KANSL1L: variants seen among roughly 807,000 people sequenced by gnomAD.
KANSL1L encodes the protein KAT8 regulatory NSL complex subunit 1 like.
A neutral mutation model predicts 108.6 loss-of-function variants in KANSL1L; 25 were observed. The ratio of observed to expected loss-of-function variants is 0.23; its 90% CI spans 0.17 to 0.32. The LOEUF (loss-of-function observed/expected upper bound fraction) is 0.32. Ranked by LOEUF, KANSL1L falls within the 10% of genes least tolerant of loss-of-function variation. The pLI, the probability that KANSL1L is intolerant of heterozygous loss-of-function variation, is 1.00. For synonymous variants in KANSL1L, 405 were observed against 395.1 expected, an observed-to-expected ratio of 1.03 and a Z score of -0.30; for missense variants, 1,137 against 1,125.7, an observed-to-expected ratio of 1.01 and a Z score of -0.14.
intron 5 of KANSL1L, among the ~76,000 whole-genome samples, chr2:210,084,200 T>C (rs965057130): frequency 1.3e-5 from 2 of 152,016 alleles, no homozygotes; most frequent in African/African-American, 2.4e-5. Context: ...CACAAGCAGA[T>C]TGCCTGAGGT....
Position 210,156,303 on chromosome 2 carries a change from T to C in KANSL1L, c.-29-1692A>G, listed in dbSNP as rs570645493. On this transcript the variant is annotated intron_variant, in intron 1 of 14. Transcript: ENST00000281772. ...ATATCATGAGATGTAAGACTTCTCATATCTATTGGGATCATAAATTGGTTC... is the reference window on the plus strand; with the variant it reads ...ATATCATGAGATGTAAGACTTCTCACATCTATTGGGATCATAAATTGGTTC... 1.1e-3 allele frequency among the ~76,000 whole-genome samples: 161 copies of C among 152,270 alleles called. 1 individual carries two copies. Among genetic ancestry groups the C allele is most frequent in the Non-Finnish European group, 9.0e-4 (61 of 67,978 alleles).
At chr2:210,024,821 C>T (rs918989070) in intron 13 of KANSL1L, among the ~76,000 whole-genome samples, 11 of 152,148 alleles carry the variant, frequency 7.2e-5, no homozygotes, top group African/African-American at 2.7e-4. Context: ...AAATGACCTA[C>T]TTTATATATA....
At position 210,107,551 on chromosome 2, in the gene KANSL1L, C is replaced by CA. The variant is rs547685569; in HGVS notation, c.1231-3251dup. On this transcript the variant is annotated intron_variant, in intron 3 of 14. Coordinates refer to ENST00000281772, the MANE Select transcript of KANSL1L (RefSeq NM_152519.4). Reference sequence around the variant, plus strand: ...ATATATATATTTTTTTTTTTTGAGACAGAGTCTTGTTCTATTGCCCAGGCT... The same window carrying CA: ...ATATATATATTTTTTTTTTTTGAGACAAGAGTCTTGTTCTATTGCCCAGGCT... Among the ~76,000 whole-genome samples the CA allele has an allele frequency of 4.3e-3, 636 of 147,096 alleles. 6 individuals carry two copies. Among genetic ancestry groups the CA allele is most frequent in the African/African-American group, 0.014 (560 of 39,822 alleles).
At chr2:210,043,222 C>CA (rs1293661511) in intron 7 of KANSL1L, among the ~76,000 whole-genome samples, 1 of 151,684 alleles carries the variant, frequency 6.6e-6, no homozygotes, top group Non-Finnish European at 1.5e-5. Context: ...CCCATCTCTA[C>CA]AAAAAAATTT....
At chr2:210,135,781 A>G (rs2095167990) in intron 2 of KANSL1L, among the ~76,000 whole-genome samples, 1 of 152,172 alleles carries the variant, frequency 6.6e-6, no homozygotes, top group Admixed American at 6.6e-5. Flanking sequence ...AAAGCTTAAC[A>G]TATACCTTAA....
chr2:210,150,861 G>A (rs1023282024), intron 2 of KANSL1L, among the ~76,000 whole-genome samples: 1 of 151,668 alleles, frequency 6.6e-6, no homozygotes, highest in Non-Finnish European at 1.5e-5. Context: ...ACCCTTAATA[G>A]GGGTTGGTTG....
At chr2:210,094,332 C>T (rs1462007865) in intron 5 of KANSL1L, among the ~76,000 whole-genome samples, 1 of 151,964 alleles carries the variant, frequency 6.6e-6, no homozygotes, top group East Asian at 1.9e-4. Flanking sequence ...TTAACAAGGA[C>T]ATCTTCAGAA....
chr2:210,040,455 T>G lies in KANSL1L; in HGVS notation c.1994A>C (p.Lys665Thr), dbSNP rs1014571594. 10 of 1,558,176 alleles carry G rather than the reference T, an allele frequency of 6.4e-6. No homozygotes were observed. Among genetic ancestry groups the G allele is most frequent in the Non-Finnish European group, 8.8e-6 (10 of 1,132,638 alleles). ...TEIKGNLAENKFVDEYIISPS... is the reference protein window; with the variant it reads ...TEIKGNLAENTFVDEYIISPS... ...AGATATGATATATTCATCTACAAATTTATTTTCAGCAAGATTGCCTTTTAT... is the reference window on the plus strand; with the variant it reads ...AGATATGATATATTCATCTACAAATGTATTTTCAGCAAGATTGCCTTTTAT... The change falls in exon 8 of 15, where the codon AAA becomes ACA. Residue 665 changes from lysine (K) to threonine (T), a missense_variant. This residue lies in a region of KANSL1L where 575 missense variants were observed against 567.1 expected (regional missense o/e 1.01). Coordinates refer to ENST00000281772, the MANE Select transcript of KANSL1L (RefSeq NM_152519.4).
intron 1 of KANSL1L, among the ~76,000 whole-genome samples, chr2:210,158,374 C>T (rs2095344780): frequency 6.6e-6 from 1 of 152,164 alleles, no homozygotes; most frequent in Admixed American, 6.5e-5. Context: ...TGTGAGTGAT[C>T]TGAGAAACAG....
At position 210,154,606 on chromosome 2, in the gene KANSL1L, G is replaced by A; in HGVS notation, c.-24C>T. ...ATGGCGATTCCTGTAGATAAGTATT[G>A]GAAACCTACAATAATGTAAAAATAA... On this transcript the variant is annotated 5_prime_UTR_variant, in exon 2 of 15. Coordinates refer to ENST00000281772, the MANE Select transcript of KANSL1L (RefSeq NM_152519.4). 7 of 1,426,376 alleles carry A rather than the reference G, an allele frequency of 4.9e-6. No homozygotes were observed. The highest frequency in any genetic ancestry group is 4.9e-5 in the East Asian group (2 of 41,138). 88.4% of individuals were successfully genotyped at this position (1,426,376 alleles called of 1,614,324 possible).
intron 13 of KANSL1L, among the ~76,000 whole-genome samples, 173 bp from the exon 14 acceptor site, chr2:210,024,374 G>A (rs2093905742): frequency 6.6e-6 from 1 of 152,158 alleles, no homozygotes; most frequent in African/African-American, 2.4e-5. Context: ...CTCAGAGGAT[G>A]AAATAGTACT....
chr2:210,147,214 A>C (rs1224494568), intron 2 of KANSL1L, among the ~76,000 whole-genome samples: 1 of 152,220 alleles, frequency 6.6e-6, no homozygotes, highest in Non-Finnish European at 1.5e-5. Flanking sequence ...GATACCAGCA[A>C]TTTGGGAGGC....
intron 5 of KANSL1L, among the ~76,000 whole-genome samples, chr2:210,094,474 G>A (rs1457516537): frequency 6.6e-6 from 1 of 151,950 alleles, no homozygotes; most frequent in African/African-American, 2.4e-5. Flanking sequence ...CAAAGGTATT[G>A]GAAAATAGCA....
At position 210,100,028 on chromosome 2, in the gene KANSL1L, C is replaced by T. The variant is rs530432017; in HGVS notation, c.1429-1821G>A. On this transcript the variant is annotated intron_variant, in intron 4 of 14. Transcript: ENST00000281772. ...ACCTAAAGTAGAAGTCCCCAACCCCCGGGCTGCTGATGGGTACCTGTCCAT... is the reference window on the plus strand; with the variant it reads ...ACCTAAAGTAGAAGTCCCCAACCCCTGGGCTGCTGATGGGTACCTGTCCAT... Among the ~76,000 whole-genome samples the T allele has an allele frequency of 2.0e-5, 3 of 152,204 alleles. No homozygotes were observed. The South Asian group carries it at 6.2e-4, about 31-fold the overall frequency.
intron 5 of KANSL1L, among the ~76,000 whole-genome samples, chr2:210,076,184 TG>T (rs1354958530): frequency 6.6e-6 from 1 of 152,142 alleles, no homozygotes; most frequent in Non-Finnish European, 1.5e-5. Context: ...TTTTGTTTTT[TG>T]TTTTTTGTTT....
At chr2:210,046,447 T>C (rs2094223985) in intron 6 of KANSL1L, among the ~76,000 whole-genome samples, 1 of 152,116 alleles carries the variant, frequency 6.6e-6, no homozygotes, top group South Asian at 2.1e-4. Flanking sequence ...AAAACCAACA[T>C]ATTACATGCT....
chr2:210,059,228 A>G (rs1050260861), intron 6 of KANSL1L, among the ~76,000 whole-genome samples: 4 of 152,026 alleles, frequency 2.6e-5, no homozygotes, highest in Admixed American at 2.0e-4. Context: ...CTGAGGTGCC[A>G]TGGAAGGAAG....
At chr2:210,029,772 A>G (rs1435542230) in intron 10 of KANSL1L, 31 bp downstream of exon 10, 2 of 1,103,670 alleles carry the variant, frequency 1.8e-6, no homozygotes, top group African/African-American at 1.6e-5. Context: ...TTTTAAAGCT[A>G]TTTTAGAGTT....
chr2:210,058,638 C>A (rs1421717804), intron 6 of KANSL1L, among the ~76,000 whole-genome samples: 1 of 151,996 alleles, frequency 6.6e-6, no homozygotes, highest in Non-Finnish European at 1.5e-5. Flanking sequence ...TCGAGCCCAT[C>A]CTGGCTAACA....
Sources: gnomAD v4.1 joint callset for allele counts (sites outside exome capture counted in the v4.1 genomes callset) on GRCh38, gnomAD v4.1.1 for gene constraint, gnomAD v4.1.1 regional missense constraint, MANE v1.5 for transcripts, NCBI Gene and HGNC (gene_info 2026-07-23, HGNC 2026-07-21) for gene names.